The following BCKDHB variants were observed in gnomAD, a reference collection of about 807,000 sequenced individuals.
The protein encoded by BCKDHB is 2-oxoisovalerate dehydrogenase subunit beta, mitochondrial.
BCKDHB carries 41 observed loss-of-function variants against 48.5 expected under a neutral mutation model. The ratio of observed to expected loss-of-function variants is 0.85; its 90% CI spans 0.66 to 1.10. The LOEUF is 1.10. Ranked by LOEUF, BCKDHB falls within the 50% of genes least tolerant of loss-of-function variation. The pLI is 0.00. For missense variants in BCKDHB, 496 were observed against 494.2 expected (o/e 1.00, Z -0.03); for synonymous variants, 201 against 174.8 (o/e 1.15, Z -1.18).
chr6:80,210,825 C>T (rs1774898646), intron 8 of BCKDHB, among the ~76,000 whole-genome samples: 2 of 152,116 alleles, frequency 1.3e-5, no homozygotes, highest in South Asian at 4.1e-4. Flanking sequence ...TCTCTCAAGC[C>T]TTCCCAGGAG....
chr6:80,459,263 ATG>A, the BCKDHB span, among the ~76,000 whole-genome samples: 1 of 152,214 alleles, frequency 6.6e-6, no homozygotes, highest in Non-Finnish European at 1.5e-5. Context: ...GATAAAGAAA[ATG>A]TGGTATATAC....
At chr6:80,296,054 A>T (rs1285785544) in intron 9 of BCKDHB, among the ~76,000 whole-genome samples, 1 of 152,230 alleles carries the variant, frequency 6.6e-6, no homozygotes, top group Non-Finnish European at 1.5e-5. Context: ...AGTCAACAAG[A>T]TTACTTTAGT....
At chr6:80,160,315 C>A (rs1047950407) in intron 3 of BCKDHB, among the ~76,000 whole-genome samples, 15 of 152,114 alleles carry the variant, frequency 9.9e-5, no homozygotes, top group Non-Finnish European at 2.1e-4. Flanking sequence ...CACCACCACA[C>A]CTGGCAGATT....
the BCKDHB span, among the ~76,000 whole-genome samples, chr6:80,454,929 A>G: frequency 6.6e-6 from 1 of 152,176 alleles, no homozygotes; most frequent in Admixed American, 6.5e-5. Flanking sequence ...TCAACACACT[A>G]TTCTGATTCT....
At chr6:80,200,719 C>T in intron 6 of BCKDHB, among the ~76,000 whole-genome samples, 1 of 152,092 alleles carries the variant, frequency 6.6e-6, no homozygotes. Context: ...TCCAAGATAG[C>T]TGATATGTTT....
In BCKDHB at chr6:80,339,182, T is replaced by C. The variant is rs558239798; in HGVS notation, c.1039-4482T>C. On this transcript the variant is annotated intron_variant, in intron 9 of 9. Transcript: ENST00000320393. ...GATCCCAAGGAAACCTGTGAAAACC[T>C]TAATATATGTGTTTTTATGGACACA... Among the ~76,000 whole-genome samples, 105 of 152,332 alleles carry C rather than the reference T, an allele frequency of 6.9e-4. 1 individual carries two copies. The Middle Eastern group carries it at 0.014, about 20-fold the overall frequency.
rs1769085821 is a variant in BCKDHB, at chr6:80,106,795, C to CT, written c.107dup (p.Leu36PhefsTer48). On this transcript the variant is annotated frameshift_variant, in exon 1 of 10. Transcript: ENST00000320393. LOFTEE classifies it high-confidence loss of function. ...TTCCTGGCGCGGGGCTGGCGCGGGG[C>CT]TTTTTGCACCCCGCCGCGACTGTCG... The CT allele has an allele frequency of 6.2e-7, 1 of 1,600,760 alleles. No homozygotes were observed. The highest frequency in any genetic ancestry group is 1.3e-5 in the African/African-American group (1 of 74,766).
At chr6:80,338,130 T>G (rs150342812) in intron 9 of BCKDHB, among the ~76,000 whole-genome samples, 606 of 152,370 alleles carry the variant, frequency 4.0e-3, no homozygotes, top group Non-Finnish European at 6.6e-3. Context: ...GTAAAAATTA[T>G]TCCAAAATTG....
intron 3 of BCKDHB, among the ~76,000 whole-genome samples, chr6:80,142,897 G>T (rs769501762): frequency 6.6e-6 from 1 of 151,972 alleles, no homozygotes; most frequent in African/African-American, 2.4e-5. Flanking sequence ...AAACAGTGCC[G>T]CATATTCCTT....
At chr6:80,312,544 A>G (rs1444528444) in intron 9 of BCKDHB, among the ~76,000 whole-genome samples, 3 of 152,108 alleles carry the variant, frequency 2.0e-5, no homozygotes. Context: ...CCCATTCAGT[A>G]TGATATTGGC....
chr6:80,304,014 T>C (rs959885792), intron 9 of BCKDHB, among the ~76,000 whole-genome samples: 3 of 152,066 alleles, frequency 2.0e-5, no homozygotes, highest in Non-Finnish European at 2.9e-5. Flanking sequence ...CAGAGGAATA[T>C]TAGAAAGAAA....
chr6:80,261,690 C>T (rs1229783874), intron 8 of BCKDHB, among the ~76,000 whole-genome samples: 1 of 151,994 alleles, frequency 6.6e-6, no homozygotes, highest in Admixed American at 6.6e-5. Flanking sequence ...TCTTACCCAG[C>T]CTTATTATCT....
intron 9 of BCKDHB, among the ~76,000 whole-genome samples, chr6:80,336,117 TA>T (rs1240589574): frequency 6.6e-6 from 1 of 151,994 alleles, no homozygotes; most frequent in Non-Finnish European, 1.5e-5. Context: ...TTCATATTCT[TA>T]AAATTGTTAT....
At position 80,171,460 on chromosome 6, in the gene BCKDHB, A is replaced by G. The variant is rs575086798; in HGVS notation, c.742+70A>G. On this transcript the variant is annotated intron_variant, in intron 6 of 9. Coordinates refer to ENST00000320393, the MANE Select transcript of BCKDHB (RefSeq NM_183050.4). ...TTTGTTTTTTATAGCTCTAAAAGTT[A>G]TATCTTTTTTTTCTATATGGTTGAT... 1,397 of 903,188 alleles carry G rather than the reference A, an allele frequency of 1.5e-3. 11 individuals carry two copies. Among genetic ancestry groups the G allele is most frequent in the Non-Finnish European group, 2.0e-3 (1,219 of 595,846 alleles). 55.9% of individuals were successfully genotyped at this position (903,188 alleles called of 1,614,324 possible).
intron 3 of BCKDHB, among the ~76,000 whole-genome samples, chr6:80,149,483 G>A (rs1408871524): frequency 1.3e-5 from 2 of 151,880 alleles, no homozygotes; most frequent in Non-Finnish European, 2.9e-5. Flanking sequence ...ATACCCAAAG[G>A]ACTATAAATC....
downstream of BCKDHB, among the ~76,000 whole-genome samples, chr6:80,348,617 C>G (rs903293350): frequency 6.6e-6 from 1 of 152,174 alleles, no homozygotes; most frequent in Non-Finnish European, 1.5e-5. Flanking sequence ...GATGACACTG[C>G]AGTCTAAAAG....
intron 8 of BCKDHB, among the ~76,000 whole-genome samples, chr6:80,226,481 A>G (rs1775682634): frequency 6.6e-6 from 1 of 152,200 alleles, no homozygotes; most frequent in Non-Finnish European, 1.5e-5. Flanking sequence ...CAAAAGTAGG[A>G]TAACTTTGCA....
At chr6:80,427,496 G>A in the BCKDHB span, among the ~76,000 whole-genome samples, 2 of 152,048 alleles carry the variant, frequency 1.3e-5, no homozygotes, top group Non-Finnish European at 2.9e-5. Context: ...ATTGGCAAAT[G>A]AGAAAAATAA....
intron 6 of BCKDHB, among the ~76,000 whole-genome samples, chr6:80,180,950 C>A (rs1016216875): frequency 2.0e-5 from 3 of 152,188 alleles, no homozygotes; most frequent in Middle Eastern, 3.4e-3. Flanking sequence ...TGAAATAATA[C>A]ACATAATTTA....
Sources: gnomAD v4.1 joint callset for allele counts (sites outside exome capture counted in the v4.1 genomes callset) on GRCh38, gnomAD v4.1.1 for gene constraint, MANE v1.5 for transcripts, NCBI Gene and HGNC (gene_info 2026-07-23, HGNC 2026-07-21) for gene names.